Variants in SSPN observed in about 807,000 individuals in gnomAD.
SSPN encodes the protein K-ras oncogene-associated protein.
SSPN carries 15 observed loss-of-function variants against 19.1 expected under a neutral mutation model. That is an observed-to-expected ratio of 0.78 (90% CI 0.52 to 1.21). The LOEUF is 1.21. Among genes scored for constraint, SSPN ranks in the 50% most tolerant of loss-of-function variants. The pLI is 0.00. For synonymous variants in SSPN, 147 were observed against 140.3 expected, an observed-to-expected ratio of 1.05 and a Z score of -0.34; for missense variants, 291 against 314.0, an observed-to-expected ratio of 0.93 and a Z score of 0.55.
chr12:26,177,988 C>T (rs1944695031), intron 1 of SSPN, among the ~76,000 whole-genome samples: 1 of 152,238 alleles, frequency 6.6e-6, no homozygotes, highest in Admixed American at 6.5e-5. Context: ...TCTAAGCTCA[C>T]TGACTGGCCT....
chr12:26,123,703 T>A (rs1217292922), intron 1 of SSPN: 5 of 1,614,104 alleles, frequency 3.1e-6, no homozygotes, highest in Non-Finnish European at 4.2e-6. Context: ...GTTTCAAAGT[T>A]AATTCCAAGA....
intron 1 of SSPN, chr12:26,122,604 A>G (rs1421207608): frequency 8.9e-7 from 1 of 1,121,444 alleles, no homozygotes; most frequent in Non-Finnish European, 1.1e-6. Flanking sequence ...GGGCCCCAGA[A>G]GCGCGGCTGC....
chr12:26,200,746 T>C (rs7299103), intron 1 of SSPN, among the ~76,000 whole-genome samples: 151,172 of 152,012 alleles, frequency 0.99, 75,169 homozygotes, highest in Middle Eastern at 1. Context: ...TGCATAGTAA[T>C]ACATTATTCA....
At chr12:26,136,939 G>A (rs1448608078) in intron 1 of SSPN, among the ~76,000 whole-genome samples, 1 of 152,192 alleles carries the variant, frequency 6.6e-6, no homozygotes, top group Non-Finnish European at 1.5e-5. Flanking sequence ...TAAAGCCTTG[G>A]TCAGGTCTTA....
At chr12:26,133,428 C>T (rs900884288) in intron 1 of SSPN, among the ~76,000 whole-genome samples, 3 of 152,178 alleles carry the variant, frequency 2.0e-5, no homozygotes, top group Non-Finnish European at 4.4e-5. Context: ...ATCTCTCACC[C>T]CAAATGTTGC....
Position 26,234,448 on chromosome 12 carries a change from G to A in SSPN, c.*3372G>A, listed in dbSNP as rs974832311. ...TATCATGTTTTTAGGTGTATATTGT[G>A]TATTCAGGATAGCATTAAAAAGAAC... On this transcript the variant is annotated 3_prime_UTR_variant, in exon 3 of 3. Transcript: ENST00000242729. The A allele has an allele frequency of 2.6e-5, 4 of 152,168 alleles. No homozygotes were observed. Among genetic ancestry groups the A allele is most frequent in the Non-Finnish European group, 5.9e-5 (4 of 68,036 alleles). The allele number at this position is 152,168 out of a possible 1,614,324, so 9.4% of individuals were successfully genotyped here.
intron 1 of SSPN, among the ~76,000 whole-genome samples, chr12:26,166,802 C>G (rs977423170): frequency 2.0e-5 from 3 of 152,186 alleles, no homozygotes; most frequent in Non-Finnish European, 4.4e-5. Flanking sequence ...CTCTCTGCCC[C>G]TTTATAGGAA....
At chr12:26,181,320 T>G (rs1944717581) in intron 1 of SSPN, 1 of 152,210 alleles carries the variant, frequency 6.6e-6, no homozygotes, top group African/African-American at 2.4e-5. Flanking sequence ...AATTCTGCGT[T>G]TTCTTCTCCT....
chr12:26,139,959 A>G (rs1334757659), intron 1 of SSPN, among the ~76,000 whole-genome samples: 2 of 152,152 alleles, frequency 1.3e-5, no homozygotes, highest in Non-Finnish European at 2.9e-5. Context: ...TTTCCTGGAT[A>G]TGCTCTTGCC....
At chr12:26,226,572 C>T (rs2137515025) in intron 2 of SSPN, among the ~76,000 whole-genome samples, 1 of 152,218 alleles carries the variant, frequency 6.6e-6, no homozygotes, top group South Asian at 2.1e-4. Context: ...CTTCGCAGGC[C>T]CTCGATGCCA....
At chr12:26,206,319 T>G (rs1944931091) in intron 1 of SSPN, among the ~76,000 whole-genome samples, 1 of 152,164 alleles carries the variant, frequency 6.6e-6, no homozygotes, top group African/African-American at 2.4e-5. Context: ...CCTCATACTG[T>G]TTTTCATAAA....
At chr12:26,201,271 G>A (rs1330868939) in intron 1 of SSPN, among the ~76,000 whole-genome samples, 2 of 150,870 alleles carry the variant, frequency 1.3e-5, no homozygotes, top group South Asian at 2.1e-4. Flanking sequence ...CCAGCTACTC[G>A]GGAGGCTGAG....
intron 1 of SSPN, among the ~76,000 whole-genome samples, chr12:26,201,049 T>TATATATA (rs1565685562): frequency 1.3e-4 from 4 of 31,980 alleles, no homozygotes; most frequent in Admixed American, 4.6e-4. Context: ...ATATATATTA[T>TATATATA]ATATATATAT....
intron 1 of SSPN, among the ~76,000 whole-genome samples, chr12:26,162,802 A>C (rs996469108): frequency 6.6e-6 from 1 of 152,218 alleles, no homozygotes; most frequent in East Asian, 1.9e-4. Context: ...AAAGGAGTAA[A>C]ATTTTCATGA....
At chr12:26,199,216 T>A (rs777146779) in intron 1 of SSPN, among the ~76,000 whole-genome samples, 12 of 152,208 alleles carry the variant, frequency 7.9e-5, no homozygotes, top group Admixed American at 3.3e-4. Context: ...AAGGTGTGGT[T>A]ACAGACTAAA....
At chr12:26,140,929 TAAA>T (rs1247162945) in intron 1 of SSPN, among the ~76,000 whole-genome samples, 2 of 152,200 alleles carry the variant, frequency 1.3e-5, no homozygotes, top group Non-Finnish European at 2.9e-5. Context: ...CAGGAACTCT[TAAA>T]ATATAAAGCA....
chr12:26,124,284 T>A, intron 1 of SSPN: 1 of 523,224 alleles, frequency 1.9e-6, no homozygotes, highest in Admixed American at 2.8e-5. Context: ...TAAAACATAC[T>A]ATGTGATAAA....
intron 1 of SSPN, among the ~76,000 whole-genome samples, chr12:26,147,765 C>T (rs1164000565): frequency 1.3e-5 from 2 of 152,144 alleles, no homozygotes; most frequent in Non-Finnish European, 2.9e-5. Flanking sequence ...TTATCAGCCC[C>T]TGTCTATCGT....
At chr12:26,168,558 G>A (rs763723437) in intron 1 of SSPN, among the ~76,000 whole-genome samples, 1 of 152,194 alleles carries the variant, frequency 6.6e-6, no homozygotes, top group Non-Finnish European at 1.5e-5. Context: ...CAACTGTGGG[G>A]ATTGAAGAAC....
Sources: gnomAD v4.1 joint callset for allele counts (sites outside exome capture counted in the v4.1 genomes callset) on GRCh38, gnomAD v4.1.1 for gene constraint, MANE v1.5 for transcripts, NCBI Gene and HGNC (gene_info 2026-07-23, HGNC 2026-07-21) for gene names.